Variants in SNTB1 observed in about 807,000 individuals in gnomAD.
SNTB1 encodes the protein beta-1-syntrophin.
SNTB1 carries 36 observed loss-of-function variants against 48.9 expected under a neutral mutation model. That is an observed-to-expected ratio of 0.74 (90% CI 0.56 to 0.97). The LOEUF is 0.97. Among genes scored for constraint, SNTB1 ranks in the 50% least tolerant of loss-of-function variants. The pLI is 0.00. For synonymous variants in SNTB1, 299 were observed against 294.6 expected, an observed-to-expected ratio of 1.01 and a Z score of -0.15; for missense variants, 786 against 703.4, an observed-to-expected ratio of 1.12 and a Z score of -1.33.
At chr8:120,797,546 C>CTTTTTTTTTTTTTTTTTTTTT (rs60374035) in intron 1 of SNTB1, among the ~76,000 whole-genome samples, 1 of 69,088 alleles carries the variant, frequency 1.4e-5, no homozygotes. Context: ...ACTTGTTTCT[C>CTTTTTTTTTTTTTTTTTTTTT]TTTTTTTTTT....
chr8:120,586,946 T>G (rs1219629253), intron 3 of SNTB1, among the ~76,000 whole-genome samples: 4 of 152,104 alleles, frequency 2.6e-5, no homozygotes, highest in African/African-American at 9.7e-5. Context: ...AATGGCTGAG[T>G]ATGGTGGCTC....
At chr8:120,773,822 C>T (rs1227120520) in intron 1 of SNTB1, among the ~76,000 whole-genome samples, 1 of 152,184 alleles carries the variant, frequency 6.6e-6, no homozygotes, top group African/African-American at 2.4e-5. Context: ...CAAATGTAAT[C>T]GTTCAAGGTC....
At chr8:120,677,975 T>G (rs538342067) in intron 2 of SNTB1, among the ~76,000 whole-genome samples, 1 of 152,278 alleles carries the variant, frequency 6.6e-6, no homozygotes, top group African/African-American at 2.4e-5. Flanking sequence ...AGAAACATTT[T>G]CCGATTGTCT....
intron 1 of SNTB1, among the ~76,000 whole-genome samples, chr8:120,710,819 T>C (rs1818450078): frequency 6.6e-6 from 1 of 152,218 alleles, no homozygotes; most frequent in African/African-American, 2.4e-5. Context: ...AATTTTTTTT[T>C]CTTTATAAAT....
At chr8:120,565,336 T>C (rs1815731560) in intron 4 of SNTB1, among the ~76,000 whole-genome samples, 1 of 152,198 alleles carries the variant, frequency 6.6e-6, no homozygotes. Flanking sequence ...GTGTAATCCT[T>C]ATAACAACCC....
intron 1 of SNTB1, among the ~76,000 whole-genome samples, chr8:120,718,652 A>C (rs1024662503): frequency 6.6e-6 from 1 of 152,080 alleles, no homozygotes; most frequent in Non-Finnish European, 1.5e-5. Flanking sequence ...CTGCTTCCGG[A>C]AGGGGAAGGG....
At chr8:120,579,131 C>T (rs186563672) in intron 3 of SNTB1, among the ~76,000 whole-genome samples, 231 of 152,202 alleles carry the variant, frequency 1.5e-3, no homozygotes, top group African/African-American at 4.7e-3. Flanking sequence ...GAGCCAAGAT[C>T]GCGCCATTGC....
chr8:120,651,478 A>G (rs1366928523), intron 2 of SNTB1, among the ~76,000 whole-genome samples: 1 of 152,188 alleles, frequency 6.6e-6, no homozygotes, highest in African/African-American at 2.4e-5. Flanking sequence ...TAGAGCTACA[A>G]TTAGCTGTTG....
intron 1 of SNTB1, among the ~76,000 whole-genome samples, chr8:120,727,782 G>A (rs994563150): frequency 3.3e-5 from 5 of 152,046 alleles, no homozygotes; most frequent in African/African-American, 1.2e-4. Context: ...TTGATTGCTG[G>A]GCTAATAAAT....
intron 1 of SNTB1, among the ~76,000 whole-genome samples, chr8:120,798,604 C>T (rs1335516602): frequency 2.6e-5 from 4 of 152,046 alleles, no homozygotes; most frequent in African/African-American, 9.7e-5. Context: ...TGTACATAAT[C>T]TACTCACAGG....
At chr8:120,785,335 C>T (rs957424276) in intron 1 of SNTB1, among the ~76,000 whole-genome samples, 13 of 152,272 alleles carry the variant, frequency 8.5e-5, no homozygotes, top group Middle Eastern at 3.4e-3. Context: ...GGTTATGGCC[C>T]GGGGCAGTTT....
chr8:120,605,629 T>C (rs972823649), intron 3 of SNTB1, among the ~76,000 whole-genome samples: 2 of 152,140 alleles, frequency 1.3e-5, no homozygotes, highest in South Asian at 2.1e-4. Context: ...GTGATGAAGA[T>C]GACATATGTC....
At chr8:120,755,932 T>G (rs1819311512) in intron 1 of SNTB1, among the ~76,000 whole-genome samples, 2 of 152,200 alleles carry the variant, frequency 1.3e-5, no homozygotes, top group Admixed American at 1.3e-4. Flanking sequence ...GGTCACATTG[T>G]TGAGCTGAAT....
At chr8:120,577,669 A>G (rs763155443) in intron 3 of SNTB1, among the ~76,000 whole-genome samples, 54 of 152,212 alleles carry the variant, frequency 3.5e-4, no homozygotes, top group Non-Finnish European at 8.8e-5. Flanking sequence ...CAGTCATTTA[A>G]ATGTGACAGC....
Position 120,536,966 on chromosome 8 carries a change from C to G in SNTB1, c.*1911G>C, listed in dbSNP as rs957299739. On this transcript the variant is annotated 3_prime_UTR_variant, in exon 7 of 7. Transcript: ENST00000517992. The stretch of plus-strand genomic sequence containing the variant: ...TTATTTACAATACACAATTATAATT[C>G]TCTTGTATAACAACATTCCAGTGAT... 6.6e-6 allele frequency: 1 copy of G among 151,820 alleles called. No homozygotes were observed. Among genetic ancestry groups the G allele is most frequent in the African/African-American group, 2.4e-5 (1 of 41,348 alleles). The allele number at this position is 151,820 out of a possible 1,614,324, so 9.4% of individuals were successfully genotyped here.
intron 3 of SNTB1, among the ~76,000 whole-genome samples, chr8:120,582,146 A>T (rs1035739314): frequency 5.9e-5 from 9 of 152,258 alleles, no homozygotes; most frequent in Admixed American, 2.0e-4. Context: ...CATTAAATCT[A>T]GTTTCGATAA....
At chr8:120,770,822 A>T (rs932540909) in intron 1 of SNTB1, among the ~76,000 whole-genome samples, 4 of 152,146 alleles carry the variant, frequency 2.6e-5, no homozygotes, top group Admixed American at 6.6e-5. Context: ...TCAAAAAAAA[A>T]TTTTTAAAAA....
chr8:120,723,602 C>T (rs1818705345), intron 1 of SNTB1, among the ~76,000 whole-genome samples: 2 of 152,248 alleles, frequency 1.3e-5, no homozygotes, highest in South Asian at 2.1e-4. Flanking sequence ...TATACTGAAG[C>T]AGTGAAGGGG....
chr8:120,659,055 C>G (rs1323015799), intron 2 of SNTB1, among the ~76,000 whole-genome samples: 1 of 151,974 alleles, frequency 6.6e-6, no homozygotes, highest in Non-Finnish European at 1.5e-5. Flanking sequence ...CCTCCACCCC[C>G]TGGGTTTAAG....
Sources: allele counts gnomAD v4.1 joint callset (sites outside exome capture counted in the v4.1 genomes callset), GRCh38; gene constraint gnomAD v4.1.1; transcripts MANE v1.5; gene names NCBI Gene and HGNC (gene_info 2026-07-23, HGNC 2026-07-21).